Variants in EXOC4 observed in about 807,000 individuals in gnomAD.
The protein encoded by EXOC4 is exocyst complex component 4, also known as SEC8-like 1.
In EXOC4, 71 loss-of-function variants were observed where a neutral mutation model predicts 107.2. The ratio of observed to expected loss-of-function variants is 0.66; its 90% CI spans 0.55 to 0.81. The LOEUF (loss-of-function observed/expected upper bound fraction) is 0.81. Ranked by LOEUF, EXOC4 falls within the 30% of genes least tolerant of loss-of-function variation. The pLI is 0.00. For missense variants in EXOC4, 1,108 were observed against 1,189.6 expected, an observed-to-expected ratio of 0.93 and a Z score of 1.01; for synonymous variants, 456 against 441.2, an observed-to-expected ratio of 1.03 and a Z score of -0.42.
chr7:133,398,388 A>C (rs1797018246), intron 7 of EXOC4, among the ~76,000 whole-genome samples: 1 of 152,242 alleles, frequency 6.6e-6, no homozygotes, highest in Non-Finnish European at 1.5e-5. Flanking sequence ...ATACAGTCCT[A>C]TTATGAAATA....
At chr7:133,676,953 GTGTA>G (rs370590843) in intron 10 of EXOC4, among the ~76,000 whole-genome samples, 4,972 of 87,028 alleles carry the variant, frequency 0.057, 110 homozygotes, top group Middle Eastern at 0.11. Context: ...GTGTGTGTGT[GTGTA>G]TGTGTGTGTG....
chr7:133,992,476 T>A (rs1236657251), intron 14 of EXOC4, among the ~76,000 whole-genome samples: 2 of 151,798 alleles, frequency 1.3e-5, no homozygotes, highest in Non-Finnish European at 2.9e-5. Flanking sequence ...AAAGACAGGG[T>A]TTCACTATGT....
chr7:133,814,605 C>T (rs1229352577), intron 10 of EXOC4, among the ~76,000 whole-genome samples: 1 of 152,118 alleles, frequency 6.6e-6, no homozygotes, highest in Non-Finnish European at 1.5e-5. Flanking sequence ...GCCAACCTGC[C>T]TTCCATAAGG....
intron 11 of EXOC4, among the ~76,000 whole-genome samples, chr7:133,857,629 C>T (rs1444475640): frequency 6.6e-6 from 1 of 151,660 alleles, no homozygotes; most frequent in Non-Finnish European, 1.5e-5. Flanking sequence ...CCAGCCAGTG[C>T]ACACAGCCAG....
intron 7 of EXOC4, among the ~76,000 whole-genome samples, chr7:133,464,051 T>C (rs1405313553): frequency 6.6e-6 from 1 of 152,204 alleles, no homozygotes; most frequent in Non-Finnish European, 1.5e-5. Flanking sequence ...TACTGGAATA[T>C]ATTAGAAAAG....
chr7:133,375,169 A>G (rs1006980254), intron 7 of EXOC4, 167 bp downstream of exon 7: 3 of 622,928 alleles, frequency 4.8e-6, no homozygotes, highest in African/African-American at 1.9e-5. Flanking sequence ...ATTAACTTCT[A>G]CTATCTTCAA....
At chr7:133,502,860 A>T (rs1027104695) in intron 9 of EXOC4, among the ~76,000 whole-genome samples, 1 of 152,154 alleles carries the variant, frequency 6.6e-6, no homozygotes, top group Non-Finnish European at 1.5e-5. Context: ...AAATCTTTTA[A>T]TTCATTCTGC....
chr7:133,644,272 C>G (rs62470058), intron 10 of EXOC4, among the ~76,000 whole-genome samples: 13,612 of 152,270 alleles, frequency 0.089, 701 homozygotes, highest in Middle Eastern at 0.14. Context: ...ATTCTGATTG[C>G]TGCTCTGCCC....
intron 9 of EXOC4, among the ~76,000 whole-genome samples, chr7:133,545,387 A>G (rs371659756): frequency 6.6e-6 from 1 of 152,152 alleles, no homozygotes; most frequent in African/African-American, 2.4e-5. Context: ...AAATAAGTGT[A>G]AAATGCCTAG....
intron 9 of EXOC4, among the ~76,000 whole-genome samples, chr7:133,517,704 C>G (rs1799904387): frequency 6.6e-6 from 1 of 151,736 alleles, no homozygotes; most frequent in African/African-American, 2.4e-5. Context: ...TCAATTACCC[C>G]CCACTGGATT....
At chr7:133,378,568 G>A (rs1796544111) in intron 7 of EXOC4, among the ~76,000 whole-genome samples, 1 of 152,014 alleles carries the variant, frequency 6.6e-6, no homozygotes, top group African/African-American at 2.4e-5. Flanking sequence ...ACAAAAGATG[G>A]GAGTAGGGTA....
chr7:133,723,725 G>C (rs1023059932), intron 10 of EXOC4, among the ~76,000 whole-genome samples: 1 of 151,978 alleles, frequency 6.6e-6, no homozygotes, highest in East Asian at 1.9e-4. Context: ...TCCTGGCCTC[G>C]GGTAAGGTAC....
the EXOC4 span, among the ~76,000 whole-genome samples, chr7:134,092,457 A>G: frequency 6.6e-6 from 1 of 152,158 alleles, no homozygotes; most frequent in Non-Finnish European, 1.5e-5. Context: ...GAATATTTTC[A>G]AAGAAAGGAA....
chr7:133,703,110 T>C (rs1031436501), intron 10 of EXOC4, among the ~76,000 whole-genome samples: 17 of 151,930 alleles, frequency 1.1e-4, no homozygotes, highest in Admixed American at 1.1e-3. Context: ...TCACTTGACA[T>C]GTGAAATCCT....
Position 133,331,623 on chromosome 7 carries a change from G to A in EXOC4, c.763+14233G>A, listed in dbSNP as rs965843889. On this transcript the variant is annotated intron_variant, in intron 5 of 17. Transcript: ENST00000253861. ...TGGGACTACAGGCGCCCGCCACCTC[G>A]CCCGGCTAATTTTTTGTATTTTTAG... Among the ~76,000 whole-genome samples, 7 of 151,758 alleles carry A rather than the reference G, an allele frequency of 4.6e-5. No individual in the cohort carries two copies. In the South Asian group the frequency reaches 1.0e-3, roughly 23 times the overall value.
intron 9 of EXOC4, among the ~76,000 whole-genome samples, chr7:133,536,163 G>A (rs1355272817): frequency 6.6e-6 from 1 of 152,204 alleles, no homozygotes; most frequent in African/African-American, 2.4e-5. Flanking sequence ...TAAAATAGGG[G>A]TTGGTTGTGC....
intron 15 of EXOC4, among the ~76,000 whole-genome samples, chr7:134,003,961 GC>G (rs1180984352): frequency 2.0e-5 from 3 of 152,072 alleles, no homozygotes; most frequent in African/African-American, 7.2e-5. Flanking sequence ...ACACAGAAAT[GC>G]CCTCCTTCCT....
chr7:134,083,482 G>A, the EXOC4 span, among the ~76,000 whole-genome samples: 48 of 152,292 alleles, frequency 3.2e-4, 1 homozygote, highest in Middle Eastern at 3.4e-3. Context: ...GCGATCAGCT[G>A]GGTGATTCTT....
intron 9 of EXOC4, among the ~76,000 whole-genome samples, chr7:133,582,692 AT>A (rs548379725): frequency 4.3e-4 from 66 of 152,114 alleles, no homozygotes; most frequent in Non-Finnish European, 8.4e-4. Flanking sequence ...AATATGAATA[AT>A]GATCATGGGG....
Sources: gnomAD v4.1 joint callset for allele counts (sites outside exome capture counted in the v4.1 genomes callset) on GRCh38, gnomAD v4.1.1 for gene constraint, MANE v1.5 for transcripts, NCBI Gene and HGNC (gene_info 2026-07-23, HGNC 2026-07-21) for gene names.